CLDN24: variants seen among roughly 807,000 people sequenced by gnomAD.
CLDN24 encodes the protein claudin-24.
For synonymous variants in CLDN24, 103 were observed against 104.7 expected (o/e 0.98, Z 0.10); for missense variants, 217 against 253.9 (o/e 0.85, Z 0.99).
Position 183,322,169 on chromosome 4 carries a change from C to G in CLDN24, c.258G>C (p.Leu86=), listed in dbSNP as rs1739668874. 6.2e-7 allele frequency: 1 copy of G among 1,612,802 alleles called. No homozygotes were observed. The highest frequency in any genetic ancestry group is 8.5e-7 in the Non-Finnish European group (1 of 1,179,284). Residue 86 remains leucine (L), a synonymous_variant, in exon 1 of 1, where the codon CTG becomes CTC. Coordinates refer to ENST00000541814, the MANE Select transcript of CLDN24 (RefSeq NM_001185149.1). ...ELRVSRILMF[L]SNGLGFLGLL... is the part of the protein sequence containing the mutation. The stretch of plus-strand genomic sequence containing the variant: ...GGCCCAGAAATCCCAGCCCATTTGA[C>G]AGAAACATTAAGATCCTGGAGACCC...
rs756553892 is a variant in CLDN24 at position 183,322,271 on chromosome 4, T to C, written c.156A>G (p.Gln52=). The C allele has an allele frequency of 3.1e-6, 5 of 1,614,060 alleles. No individual in the cohort carries two copies. In the Admixed American group the frequency reaches 6.7e-5, roughly 22 times the overall value. Residue 52 remains glutamine (Q), a synonymous_variant, in exon 1 of 1, where the codon CAA becomes CAG. Transcript: ENST00000541814. ...EMENWTMGLW[Q]TCVIQEEVGM... Reference sequence around the variant, plus strand: ...CCACTTCCTCTTGGATGACACAGGTTTGCCAGAGTCCCATGGTCCAGTTTT... The same window carrying C: ...CCACTTCCTCTTGGATGACACAGGTCTGCCAGAGTCCCATGGTCCAGTTTT...
chr4:183,321,793 C>A lies in CLDN24; in HGVS notation c.634G>T (p.Glu212Ter). The A allele has an allele frequency of 6.5e-7, 1 of 1,548,920 alleles. No homozygotes were observed. Among genetic ancestry groups the A allele is most frequent in the Non-Finnish European group, 8.7e-7 (1 of 1,146,626 alleles). The change falls in exon 1 of 1, where the codon GAA becomes TAA. Residue 212 changes from glutamate to a stop codon, truncating the protein, a stop_gained. Coordinates refer to ENST00000541814, the MANE Select transcript of CLDN24 (RefSeq NM_001185149.1). LOFTEE classifies it high-confidence loss of function. Reference protein sequence around the residue: ...AQMQTQCPYLEDGTADPQV With the variant: ...AQMQTQCPYL Reference sequence around the variant, plus strand: ...ACTTGAGGATCTGCTGTCCCATCTTCCAGGTAGGGACACTGAGTTTGCATT... The same window carrying A: ...ACTTGAGGATCTGCTGTCCCATCTTACAGGTAGGGACACTGAGTTTGCATT...
chr4:183,322,355 G>A lies in CLDN24; in HGVS notation c.72C>T (p.Ser24=), dbSNP rs762960262. ...AGTGTGGCAAATAAGTTGTAATAAT[G>A]GATAAAATCCATCCCAGGAGAGATA... The part of the protein sequence containing the change: ...LLLSLLGWIL[S]IITTYLPHWK... The change falls in exon 1 of 1, where the codon TCC becomes TCT. Residue 24 remains serine (S), a synonymous_variant. Coordinates refer to ENST00000541814, the MANE Select transcript of CLDN24 (RefSeq NM_001185149.1). 6.2e-7 allele frequency: 1 copy of A among 1,613,400 alleles called. No homozygotes were observed. The highest frequency in any genetic ancestry group is 1.1e-5 in the South Asian group (1 of 91,068).
In CLDN24 at chr4:183,322,077, C is replaced by T. The variant is rs767591277; in HGVS notation, c.350G>A (p.Arg117Gln). The change falls in exon 1 of 1, where the codon CGA becomes CAA. Residue 117 changes from arginine to glutamine, a missense_variant. By Grantham distance (43) the Arg-to-Gln change is conservative. Transcript: ENST00000541814. ...CAGAATTCCTCCCAGAATGAGCAGTCGCCTCTTGAGATCTCTCTGACTCTC... is the reference window on the plus strand; with the variant it reads ...CAGAATTCCTCCCAGAATGAGCAGTTGCCTCTTGAGATCTCTCTGACTCTC... ...IGESQRDLKRRLLILGGILSW... is the reference protein window; with the variant it reads ...IGESQRDLKRQLLILGGILSW... 3.7e-6 allele frequency: 6 copies of T among 1,613,790 alleles called. No individual in the cohort carries two copies. Among genetic ancestry groups the T allele is most frequent in the Admixed American group, 1.7e-5 (1 of 59,986 alleles).
Position 183,321,906 on chromosome 4 carries a change from A to G in CLDN24, c.521T>C (p.Leu174Pro). The G allele has an allele frequency of 6.3e-7, 1 of 1,582,648 alleles. No individual in the cohort carries two copies. Among genetic ancestry groups the G allele is most frequent in the East Asian group, 2.3e-5 (1 of 42,770 alleles). The change falls in exon 1 of 1, where the codon CTT becomes CCT. Residue 174 changes from leucine (L) to proline (P), a missense_variant. Leu to Pro is a moderately conservative substitution (Grantham distance 98). Transcript: ENST00000541814. ...CAGACACCCTCCTAGCAGAAGAGAA[A>G]GTCCAGCAAACCAGCCCAGAAACAG... The part of the protein sequence containing the change: ...EALFLGWFAG[L>P]SLLLGGCLLN...
At position 183,322,244 on chromosome 4, in the gene CLDN24, C is replaced by G. The variant is rs567233247; in HGVS notation, c.183G>C (p.Gly61=). Residue 61 remains glycine (G), a synonymous_variant, in exon 1 of 1, where the codon GGG becomes GGC. Transcript: ENST00000541814. ...AGGAGTCAAAGTCCTTGCATTGCAT[C>G]CCCACTTCCTCTTGGATGACACAGG... ...WQTCVIQEEV[G]MQCKDFDSFL... is the part of the protein sequence containing the mutation. 10 of 1,614,024 alleles carry G rather than the reference C, an allele frequency of 6.2e-6. No homozygotes were observed. In the South Asian group the frequency reaches 1.1e-4, roughly 18 times the overall value.
In CLDN24 at chr4:183,322,050, G is replaced by A. The variant is rs776150996; in HGVS notation, c.377C>T (p.Ser126Phe). ...CAGGGCTGTGATTCCCGAGGCCCAG[G>A]ACAGAATTCCTCCCAGAATGAGCAG... The part of the protein sequence containing the change: ...RRLLILGGIL[S>F]WASGITALVP... Residue 126 changes from serine (S) to phenylalanine (F), a missense_variant, in exon 1 of 1, where the codon TCC becomes TTC. Coordinates refer to ENST00000541814, the MANE Select transcript of CLDN24 (RefSeq NM_001185149.1). 119 of 1,613,754 alleles carry A rather than the reference G, an allele frequency of 7.4e-5. No homozygotes were observed. Among genetic ancestry groups the A allele is most frequent in the Non-Finnish European group, 9.9e-5 (117 of 1,179,864 alleles).
chr4:183,322,414 A>G lies in CLDN24; in HGVS notation c.13T>C (p.Phe5Leu). 1 of 1,603,774 alleles carries G rather than the reference A, an allele frequency of 6.2e-7. No homozygotes were observed. Among genetic ancestry groups the G allele is most frequent in the Non-Finnish European group, 8.5e-7 (1 of 1,179,586 alleles). The change falls in exon 1 of 1, where the codon TTT (phenylalanine) becomes CTT (leucine). Residue 5 changes from phenylalanine (F) to leucine (L), a missense_variant. Physicochemically the swap from Phe to Leu is conservative, Grantham distance 22. Transcript: ENST00000541814. MALI[F>L]RTAMQSVGLL... Reference sequence around the variant, plus strand: ...CCAACAGATTGCATTGCTGTTCTAAAGATTAAAGCCATTGCGACAGGTCTT... The same window carrying G: ...CCAACAGATTGCATTGCTGTTCTAAGGATTAAAGCCATTGCGACAGGTCTT...
In CLDN24 at chr4:183,321,828, G is replaced by C; in HGVS notation, c.599C>G (p.Ala200Gly). 1.0e-5 allele frequency: 16 copies of C among 1,552,998 alleles called. No individual in the cohort carries two copies. Among genetic ancestry groups the C allele is most frequent in the Non-Finnish European group, 1.4e-5 (16 of 1,147,888 alleles). ...SHAPLALGHY[A>G]VAQMQTQCPY... Reference sequence around the variant, plus strand: ...ACACTGAGTTTGCATTTGCGCCACTGCATAGTGGCCCAAAGCTAGGGGAGC... The same window carrying C: ...ACACTGAGTTTGCATTTGCGCCACTCCATAGTGGCCCAAAGCTAGGGGAGC... Residue 200 changes from alanine (A) to glycine (G), a missense_variant, in exon 1 of 1, where the codon GCA (alanine) becomes GGA (glycine). Transcript: ENST00000541814.
rs1411259361 is a variant in CLDN24, at chr4:183,322,343, A to G, written c.84T>C (p.Thr28=). The change falls in exon 1 of 1, where the codon ACT becomes ACC. Residue 28 remains threonine, a synonymous_variant. Transcript: ENST00000541814. ...TGAGGTTCTTCCAGTGTGGCAAATAAGTTGTAATAATGGATAAAATCCATC... is the reference window on the plus strand; with the variant it reads ...TGAGGTTCTTCCAGTGTGGCAAATAGGTTGTAATAATGGATAAAATCCATC... ...LLGWILSIIT[T]YLPHWKNLNL... 3.7e-6 allele frequency: 6 copies of G among 1,613,736 alleles called. No homozygotes were observed. The highest frequency in any genetic ancestry group is 1.7e-5 in the Admixed American group (1 of 60,008).
Position 183,322,089 on chromosome 4 carries a change from T to G in CLDN24, c.338A>C (p.Asp113Ala). 3 of 1,613,800 alleles carry G rather than the reference T, an allele frequency of 1.9e-6. No homozygotes were observed. The highest frequency in any genetic ancestry group is 2.5e-6 in the Non-Finnish European group (3 of 1,179,828). The change falls in exon 1 of 1, where the codon GAT (aspartate) becomes GCT (alanine). Residue 113 changes from aspartate to alanine, a missense_variant. Transcript: ENST00000541814. ...DCLRIGESQR[D>A]LKRRLLILGG... ...CAGAATGAGCAGTCGCCTCTTGAGA[T>G]CTCTCTGACTCTCTCCAATTCTCAA...
rs747567485 is a variant in CLDN24 at position 183,322,041 on chromosome 4, G to T, written c.386C>A (p.Ser129Ter). The T allele has an allele frequency of 5.6e-6, 9 of 1,613,868 alleles. No individual in the cohort carries two copies. The highest frequency in any genetic ancestry group is 7.6e-6 in the Non-Finnish European group (9 of 1,179,848). Reference protein sequence around the residue: ...LILGGILSWASGITALVPVSW... With the variant: ...LILGGILSWA ...GACGGGAACCAGGGCTGTGATTCCC[G>T]AGGCCCAGGACAGAATTCCTCCCAG... is the stretch of plus-strand genomic sequence containing the variant. Residue 129 changes from serine (S) to a stop codon, truncating the protein, a stop_gained, in exon 1 of 1, where the codon TCG becomes TAG. Transcript: ENST00000541814. LOFTEE classifies it low-confidence loss of function (END_TRUNC).
rs1739664009 is a variant in CLDN24, at chr4:183,322,021, G to A, written c.406C>T (p.Pro136Ser). 1.2e-6 allele frequency: 2 copies of A among 1,613,610 alleles called. No individual in the cohort carries two copies. The highest frequency in any genetic ancestry group is 1.7e-5 in the Admixed American group (1 of 59,954). Reference protein sequence around the residue: ...SWASGITALVPVSWVAHKTVQ... With the variant: ...SWASGITALVSVSWVAHKTVQ... The stretch of plus-strand genomic sequence containing the variant: ...GTCTTGTGGGCAACCCAAGAGACGG[G>A]AACCAGGGCTGTGATTCCCGAGGCC... The change falls in exon 1 of 1, where the codon CCC becomes TCC. Residue 136 changes from proline (P) to serine (S), a missense_variant. Transcript: ENST00000541814.
Position 183,321,860 on chromosome 4 carries a change from G to A in CLDN24, c.567C>T (p.Ser189=), listed in dbSNP as rs1315848641. 1 of 1,562,024 alleles carries A rather than the reference G, an allele frequency of 6.4e-7. No homozygotes were observed. The highest frequency in any genetic ancestry group is 2.4e-5 in the East Asian group (1 of 41,470). Residue 189 remains serine, a synonymous_variant, in exon 1 of 1, where the codon TCC becomes TCT. Transcript: ENST00000541814. ...GGCCCAAAGCTAGGGGAGCGTGGCT[G>A]GAGCAGGCTGCGCAGTTGAGCAGAC... The part of the protein sequence containing the change: ...GGCLLNCAAC[S]SHAPLALGHY...
rs944297468 is a variant in CLDN24 at position 183,322,400 on chromosome 4, C to A, written c.27G>T (p.Met9Ile). MALIFRTA[M>I]QSVGLLLSLL... ...GAGATAGTAAAAGTCCAACAGATTG[C>A]ATTGCTGTTCTAAAGATTAAAGCCA... The change falls in exon 1 of 1, where the codon ATG (methionine) becomes ATT (isoleucine). Residue 9 changes from methionine (M) to isoleucine (I), a missense_variant. By Grantham distance (10) the Met-to-Ile change is conservative. Transcript: ENST00000541814. 2.5e-6 allele frequency: 4 copies of A among 1,606,488 alleles called. No homozygotes were observed. The Admixed American group carries it at 6.7e-5, about 27-fold the overall frequency.
chr4:183,322,037 T>C lies in CLDN24; in HGVS notation c.390A>G (p.Gly130=). ...AAGAGACGGGAACCAGGGCTGTGATTCCCGAGGCCCAGGACAGAATTCCTC... is the reference window on the plus strand; with the variant it reads ...AAGAGACGGGAACCAGGGCTGTGATCCCCGAGGCCCAGGACAGAATTCCTC... ...ILGGILSWAS[G]ITALVPVSWV... Residue 130 remains glycine (G), a synonymous_variant, in exon 1 of 1, where the codon GGA becomes GGG. Transcript: ENST00000541814. 1 of 1,613,870 alleles carries C rather than the reference T, an allele frequency of 6.2e-7. No individual in the cohort carries two copies. Among genetic ancestry groups the C allele is most frequent in the Non-Finnish European group, 8.5e-7 (1 of 1,179,842 alleles).
In CLDN24 at chr4:183,321,918, C is replaced by T. The variant is rs1739660579; in HGVS notation, c.509G>A (p.Trp170Ter). ...TAGCAGAAGAGAAAGTCCAGCAAACCAGCCCAGAAACAGGGCCTCCCCAAA... is the reference window on the plus strand; with the variant it reads ...TAGCAGAAGAGAAAGTCCAGCAAACTAGCCCAGAAACAGGGCCTCCCCAAA... Reference protein sequence around the residue: ...WEFGEALFLGWFAGLSLLLGG... With the variant: ...WEFGEALFLG The change falls in exon 1 of 1, where the codon TGG becomes TAG. Residue 170 changes from tryptophan (W) to a stop codon, truncating the protein, a stop_gained. Coordinates refer to ENST00000541814, the MANE Select transcript of CLDN24 (RefSeq NM_001185149.1). LOFTEE classifies it low-confidence loss of function (END_TRUNC). 6.3e-7 allele frequency: 1 copy of T among 1,585,978 alleles called. No individual in the cohort carries two copies. The highest frequency in any genetic ancestry group is 8.6e-7 in the Non-Finnish European group (1 of 1,166,008).
chr4:183,321,936 T>A lies in CLDN24; in HGVS notation c.491A>T (p.Glu164Val). Residue 164 changes from glutamate (E) to valine (V), a missense_variant, in exon 1 of 1, where the codon GAG becomes GTG. Transcript: ENST00000541814. Reference sequence around the variant, plus strand: ...AGCAAACCAGCCCAGAAACAGGGCCTCCCCAAACTCCCACCTGGGGACAAA... The same window carrying A: ...AGCAAACCAGCCCAGAAACAGGGCCACCCCAAACTCCCACCTGGGGACAAA... ...PDFVPRWEFG[E>V]ALFLGWFAGL... is the part of the protein sequence containing the mutation. 1 of 1,587,870 alleles carries A rather than the reference T, an allele frequency of 6.3e-7. No individual in the cohort carries two copies. The highest frequency in any genetic ancestry group is 8.6e-7 in the Non-Finnish European group (1 of 1,167,110).
Position 183,322,281 on chromosome 4 carries a change from C to T in CLDN24, c.146G>A (p.Gly49Glu), listed in dbSNP as rs1257693060. The change falls in exon 1 of 1, where the codon GGA becomes GAA. Residue 49 changes from glycine (G) to glutamate (E), a missense_variant. Gly to Glu is a moderately conservative substitution (Grantham distance 98, BLOSUM62 -2). Transcript: ENST00000541814. ...TTGGATGACACAGGTTTGCCAGAGT[C>T]CCATGGTCCAGTTTTCCATTTCATT... ...DLNEMENWTM[G>E]LWQTCVIQEE... 1 of 1,614,064 alleles carries T rather than the reference C, an allele frequency of 6.2e-7. No individual in the cohort carries two copies. The highest frequency in any genetic ancestry group is 1.3e-5 in the African/African-American group (1 of 75,026).
Sources: gnomAD v4.1 joint callset for allele counts on GRCh38, gnomAD v4.1.1 for gene constraint, MANE v1.5 for transcripts, NCBI Gene and HGNC (gene_info 2026-07-23, HGNC 2026-07-21) for gene names.